The following LONP2 variants were observed in gnomAD, a reference collection of about 807,000 sequenced individuals.
LONP2 encodes the protein lon protease homolog 2, peroxisomal.
LONP2 carries 60 observed loss-of-function variants against 85.6 expected under a neutral mutation model. That is an observed-to-expected ratio of 0.70 (90% CI 0.57 to 0.87). LONP2 has a LOEUF of 0.87. LONP2 is among the 40% of genes least tolerant of loss of function. LONP2 has a pLI of 0.00. For missense variants in LONP2, 860 were observed against 1,063.5 expected (o/e 0.81, Z 2.66); for synonymous variants, 395 against 389.7 (o/e 1.01, Z -0.16).
rs766267147 is a variant in LONP2 at position 48,334,218 on chromosome 16, T to C, written c.1798T>C (p.Cys600Arg). The C allele has an allele frequency of 2.5e-6, 4 of 1,613,332 alleles. No individual in the cohort carries two copies. The highest frequency in any genetic ancestry group is 3.4e-6 in the Non-Finnish European group (4 of 1,179,656). Residue 600 changes from cysteine (C) to arginine (R), a missense_variant and splice_region_variant, in exon 12 of 15, where the codon TGC (cysteine) becomes CGC (arginine). This residue lies in a region of LONP2 where 743 missense variants were observed against 917.3 expected (regional missense o/e 0.81). Transcript: ENST00000285737. ...DRSDVTEREGCREHILEDEKP... is the reference protein window; with the variant it reads ...DRSDVTEREGRREHILEDEKP... ...AAATACATTTTTTTTTCTTTTAGGT[T>C]GCAGAGAACACATCTTAGAAGATGA...
intron 13 of LONP2, 122 bp downstream of exon 13, chr16:48,347,836 C>G: frequency 1.1e-6 from 1 of 948,608 alleles, no homozygotes; most frequent in Non-Finnish European, 1.5e-6. Context: ...GTTTTGAACC[C>G]CTGTGGAAAT....
At chr16:48,266,024 C>T (rs1326577582) in intron 6 of LONP2, among the ~76,000 whole-genome samples, 1 of 151,734 alleles carries the variant, frequency 6.6e-6, no homozygotes, top group Admixed American at 6.6e-5. Context: ...ATTTTTTTGA[C>T]AGGAGTTTCA....
intron 14 of LONP2, among the ~76,000 whole-genome samples, 197 bp downstream of exon 14, chr16:48,348,487 CTTTT>C (rs34729067): frequency 8.9e-6 from 1 of 112,802 alleles, no homozygotes; most frequent in Non-Finnish European, 1.7e-5. Context: ...TCACATTTTC[CTTTT>C]TTTTTTTTTT....
chr16:48,259,473 T>C (rs1430571161), intron 4 of LONP2, among the ~76,000 whole-genome samples: 1 of 152,212 alleles, frequency 6.6e-6, no homozygotes, highest in East Asian at 1.9e-4. Flanking sequence ...ACAGAGTTTA[T>C]ATTAGGAAGA....
In LONP2 at chr16:48,266,789, T is replaced by C. The variant is rs114007453; in HGVS notation, c.983-3227T>C. Among the ~76,000 whole-genome samples, 885 of 152,224 alleles carry C rather than the reference T, an allele frequency of 5.8e-3. 6 individuals carry two copies. Among genetic ancestry groups the C allele is most frequent in the African/African-American group, 0.021 (865 of 41,556 alleles). ...GACATTTGGGTTGTTTTCAGTTTTT[T>C]GGCTATTAAAAATAAAGCTGTCTGG... On this transcript the variant is annotated intron_variant, in intron 6 of 14. Coordinates refer to ENST00000285737, the MANE Select transcript of LONP2 (RefSeq NM_031490.5).
chr16:48,274,078 G>A (rs1161282867), intron 7 of LONP2, among the ~76,000 whole-genome samples: 1 of 152,070 alleles, frequency 6.6e-6, no homozygotes, highest in East Asian at 1.9e-4. Context: ...ATTATGGTTT[G>A]CCCACTATCC....
intron 2 of LONP2, among the ~76,000 whole-genome samples, chr16:48,253,934 A>G (rs566866848): frequency 6.6e-6 from 1 of 152,264 alleles, no homozygotes; most frequent in East Asian, 1.9e-4. Context: ...CATTGAGTTA[A>G]TGTATACTAA....
intron 6 of LONP2, among the ~76,000 whole-genome samples, chr16:48,265,527 C>T (rs1971971796): frequency 6.8e-6 from 1 of 147,048 alleles, no homozygotes. Context: ...GGTTGACCTT[C>T]TAGGTAACTT....
intron 11 of LONP2, among the ~76,000 whole-genome samples, chr16:48,323,697 C>T (rs749748248): frequency 5.3e-5 from 8 of 151,168 alleles, no homozygotes; most frequent in Non-Finnish European, 1.0e-4. Context: ...AAATACCTCA[C>T]AGTCATAACT....
At chr16:48,338,143 CT>C (rs1959708650) in intron 12 of LONP2, among the ~76,000 whole-genome samples, 1 of 152,098 alleles carries the variant, frequency 6.6e-6, no homozygotes, top group Non-Finnish European at 1.5e-5. Flanking sequence ...TGTATTCTCC[CT>C]TAGGGTAAAT....
At position 48,336,435 on chromosome 16, in the gene LONP2, G is replaced by C. The variant is rs1306430564; in HGVS notation, c.1938+2077G>C. The C allele has an allele frequency of 1.3e-5, 6 of 456,186 alleles. No individual in the cohort carries two copies. The East Asian group carries it at 4.2e-4, about 32-fold the overall frequency. The allele number at this position is 456,186 out of a possible 1,614,324, so 28.3% of individuals were successfully genotyped here. On this transcript the variant is annotated intron_variant, in intron 12 of 14. Coordinates refer to ENST00000285737, the MANE Select transcript of LONP2 (RefSeq NM_031490.5). Reference sequence around the variant, plus strand: ...AAGATGTGGTGTGTCACATGCGTGCGTGCGGAGAGACCACCAAACAGGCTT... The same window carrying C: ...AAGATGTGGTGTGTCACATGCGTGCCTGCGGAGAGACCACCAAACAGGCTT...
At chr16:48,248,423 G>A (rs1971523643) in intron 1 of LONP2, among the ~76,000 whole-genome samples, 1 of 151,834 alleles carries the variant, frequency 6.6e-6, no homozygotes, top group Non-Finnish European at 1.5e-5. Context: ...ACCATGCCAT[G>A]TTCTACCTTT....
At chr16:48,293,982 G>A (rs1972614476) in intron 8 of LONP2, among the ~76,000 whole-genome samples, 1 of 152,196 alleles carries the variant, frequency 6.6e-6, no homozygotes, top group South Asian at 2.1e-4. Flanking sequence ...TGTCGCCCAC[G>A]CTGGAGTGCA....
At chr16:48,246,064 G>A (rs1328698378) in intron 1 of LONP2, among the ~76,000 whole-genome samples, 3 of 151,872 alleles carry the variant, frequency 2.0e-5, no homozygotes, top group Non-Finnish European at 4.4e-5. Context: ...ATTTTTTTAG[G>A]AGAATCCTTT....
chr16:48,297,392 C>T (rs936233256), intron 9 of LONP2, among the ~76,000 whole-genome samples: 4 of 152,120 alleles, frequency 2.6e-5, no homozygotes, highest in African/African-American at 9.7e-5. Flanking sequence ...CTCACTGCAA[C>T]CTCTGCCTCC....
At chr16:48,288,648 G>A (rs1052082563) in intron 8 of LONP2, among the ~76,000 whole-genome samples, 3 of 151,970 alleles carry the variant, frequency 2.0e-5, no homozygotes, top group East Asian at 1.9e-4. Context: ...CTGTGTCCTC[G>A]GGAGACCTGT....
chr16:48,317,817 C>A (rs941040332), intron 11 of LONP2, among the ~76,000 whole-genome samples: 2 of 152,204 alleles, frequency 1.3e-5, no homozygotes, highest in South Asian at 2.1e-4. Flanking sequence ...TCCTTGAGCC[C>A]CCTGCTGACC....
intron 8 of LONP2, among the ~76,000 whole-genome samples, chr16:48,288,400 G>T (rs1010683668): frequency 1.3e-5 from 2 of 151,934 alleles, no homozygotes; most frequent in African/African-American, 4.8e-5. Flanking sequence ...TGATCCATCC[G>T]CCTCGGCCTC....
chr16:48,357,591 C>T (rs1173684166), downstream of LONP2, among the ~76,000 whole-genome samples: 2 of 152,338 alleles, frequency 1.3e-5, no homozygotes, highest in East Asian at 3.9e-4. Flanking sequence ...GCAGCAGTCA[C>T]AGACTGACCC....
Sources: allele counts gnomAD v4.1 joint callset (sites outside exome capture counted in the v4.1 genomes callset), GRCh38; gene constraint gnomAD v4.1.1; regional missense constraint gnomAD v4.1.1; transcripts MANE v1.5; gene names NCBI Gene and HGNC (gene_info 2026-07-23, HGNC 2026-07-21).